CHRNA2: variants seen among roughly 807,000 people sequenced by gnomAD.
The protein encoded by CHRNA2 is neuronal acetylcholine receptor subunit alpha-2.
In CHRNA2, 40 loss-of-function variants were observed where a neutral mutation model predicts 45.5. The ratio of observed to expected loss-of-function variants is 0.88; its 90% CI spans 0.68 to 1.15. The LOEUF (loss-of-function observed/expected upper bound fraction) is 1.15, where lower values mean the gene tolerates loss of function less well. Among genes scored for constraint, CHRNA2 ranks in the 50% most tolerant of loss-of-function variants. CHRNA2 has a pLI of 0.00. For missense variants in CHRNA2, 655 were observed against 701.7 expected (o/e 0.93, Z 0.75); for synonymous variants, 301 against 296.7 (o/e 1.01, Z -0.15).
chr8:27,471,204 C>T lies in CHRNA2; in HGVS notation c.-136-10G>A. 1 of 730,152 alleles carries T rather than the reference C, an allele frequency of 1.4e-6. No homozygotes were observed. The allele number at this position is 730,152 out of a possible 1,614,324, so 45.2% of individuals were successfully genotyped here. ...CCTCTCACCACCGAACCTGAGCAAG[C>T]CCAAGAAAGGGCTCTTAGGGTCATG... On this transcript the variant is annotated splice_polypyrimidine_tract_variant and intron_variant, in intron 1 of 6. Coordinates refer to ENST00000407991, the MANE Select transcript of CHRNA2 (RefSeq NM_000742.4).
rs796623573 is a variant in CHRNA2 at position 27,479,248 on chromosome 8, TCA to T, written c.-563_-562del. ...AGGCTCACGCTGTTCTCTCTCTCTCTCACACACACACACACATACACACACAC... is the reference window on the plus strand; with the variant it reads ...AGGCTCACGCTGTTCTCTCTCTCTCTCACACACACACACATACACACACAC... On this transcript the variant is annotated 5_prime_UTR_variant, in exon 1 of 7. Transcript: ENST00000407991. The T allele has an allele frequency of 2.1e-4, 31 of 144,946 alleles. No homozygotes were observed. The highest frequency in any genetic ancestry group is 2.8e-4 in the Non-Finnish European group (18 of 64,988). 9.0% of individuals were successfully genotyped at this position (144,946 alleles called of 1,614,324 possible).
Position 27,471,068 on chromosome 8 carries a change from T to G in CHRNA2, c.-10A>C. 1 of 1,613,932 alleles carries G rather than the reference T, an allele frequency of 6.2e-7. No individual in the cohort carries two copies. Among genetic ancestry groups the G allele is most frequent in the Non-Finnish European group, 8.5e-7 (1 of 1,179,838 alleles). The stretch of plus-strand genomic sequence containing the variant: ...GACAGGAGGGGCCCATGGCTTCTCC[T>G]GAGCATCAGGAGGTCAGGTCAGGGC... On this transcript the variant is annotated 5_prime_UTR_variant, in exon 2 of 7. Coordinates refer to ENST00000407991, the MANE Select transcript of CHRNA2 (RefSeq NM_000742.4).
In CHRNA2 at chr8:27,467,145, C is replaced by T. The variant is rs1030301231; in HGVS notation, c.449+84G>A. The T allele has an allele frequency of 6.8e-6, 7 of 1,022,866 alleles. No homozygotes were observed. In the African/African-American group the frequency reaches 7.9e-5, roughly 12 times the overall value. 63.4% of individuals were successfully genotyped at this position (1,022,866 alleles called of 1,614,324 possible). ...GAGAAGGAGGCGAGGAAGCTGACAC[C>T]AGGGGGGCCCCTCCCAAGGCCATGG... On this transcript the variant is annotated intron_variant, in intron 5 of 6. Coordinates refer to ENST00000407991, the MANE Select transcript of CHRNA2 (RefSeq NM_000742.4).
At position 27,459,823 on chromosome 8, in the gene CHRNA2, G is replaced by A. The variant is rs942359102; in HGVS notation, c.*1806C>T. 5.3e-5 allele frequency: 8 copies of A among 152,270 alleles called. No individual in the cohort carries two copies. The highest frequency in any genetic ancestry group is 3.3e-4 in the Admixed American group (5 of 15,274). 9.4% of individuals were successfully genotyped at this position (152,270 alleles called of 1,614,324 possible). A position where few individuals can be genotyped will look rare whatever the true frequency, so the allele number is the denominator to read the frequency against. On this transcript the variant is annotated 3_prime_UTR_variant, in exon 7 of 7. Transcript: ENST00000407991. The stretch of plus-strand genomic sequence containing the variant: ...ACATGCAAGATGGATGGGAGACATG[G>A]ATAACAGAAGTGAACATCACTGTCT...
chr8:27,462,552 C>T (rs1448185295), intron 6 of CHRNA2, among the ~76,000 whole-genome samples: 3 of 152,178 alleles, frequency 2.0e-5, no homozygotes, highest in Admixed American at 6.5e-5. Flanking sequence ...AACAAGGAGG[C>T]GGAGGAAGAG....
At position 27,469,386 on chromosome 8, in the gene CHRNA2, C is replaced by G; in HGVS notation, c.295-7G>C. 1 of 1,555,136 alleles carries G rather than the reference C, an allele frequency of 6.4e-7. No homozygotes were observed. Among genetic ancestry groups the G allele is most frequent in the Non-Finnish European group, 8.7e-7 (1 of 1,148,712 alleles). On this transcript the variant is annotated splice_region_variant and splice_polypyrimidine_tract_variant and intron_variant, in intron 3 of 6. Coordinates refer to ENST00000407991, the MANE Select transcript of CHRNA2 (RefSeq NM_000742.4). ...TCATTTGGTTCTTCTCATCCTGGCC[C>G]AGAGAGAGACAGAGGAGCAATTAAA...
intron 5 of CHRNA2, among the ~76,000 whole-genome samples, chr8:27,466,487 TTGACCACAGAACCCTTTTTCA>T (rs1251565609): frequency 1.3e-5 from 2 of 152,190 alleles, no homozygotes; most frequent in East Asian, 1.9e-4. Flanking sequence ...CCAAAATTAC[TTGACCACAGAACCCTTTTTCA>T]TACCTATTTA....
Position 27,478,363 on chromosome 8 carries a change from C to A in CHRNA2, c.-137+461G>T, listed in dbSNP as rs191189792. On this transcript the variant is annotated intron_variant, in intron 1 of 6. Transcript: ENST00000407991. ...AAGGTCATCTGAACAACCACACCAGCTGATGGAGGAATCCACTTCACAAAT... is the reference window on the plus strand; with the variant it reads ...AAGGTCATCTGAACAACCACACCAGATGATGGAGGAATCCACTTCACAAAT... 1.6e-3 allele frequency among the ~76,000 whole-genome samples: 251 copies of A among 152,334 alleles called. 2 individuals carry two copies. The highest frequency in any genetic ancestry group is 1.1e-3 in the Non-Finnish European group (73 of 68,032).
At chr8:27,473,042 ATATTATTT>A (rs1482683431) in intron 1 of CHRNA2, among the ~76,000 whole-genome samples, 1 of 152,134 alleles carries the variant, frequency 6.6e-6, no homozygotes, top group Non-Finnish European at 1.5e-5. Flanking sequence ...GTATTTTAAA[ATATTATTT>A]TATAGAGTAT....
At chr8:27,466,231 G>A (rs564402766) in intron 5 of CHRNA2, among the ~76,000 whole-genome samples, 3 of 151,512 alleles carry the variant, frequency 2.0e-5, no homozygotes, top group Non-Finnish European at 2.9e-5. Context: ...AGAACTGGAC[G>A]GTGTAAAAAA....
At chr8:27,466,556 A>G (rs1307288770) in intron 5 of CHRNA2, among the ~76,000 whole-genome samples, 1 of 152,228 alleles carries the variant, frequency 6.6e-6, no homozygotes, top group Admixed American at 6.5e-5. Flanking sequence ...GCCCCACCTT[A>G]GAAAACCTTT....
chr8:27,464,771 A>G (rs145304880), intron 5 of CHRNA2, among the ~76,000 whole-genome samples: 1,713 of 152,270 alleles, frequency 0.011, 17 homozygotes, highest in Middle Eastern at 0.058. Context: ...TACTACCTTG[A>G]ATGTATCCAT....
In CHRNA2 at chr8:27,460,368, C is replaced by A. The variant is rs1371926864; in HGVS notation, c.*1261G>T. On this transcript the variant is annotated 3_prime_UTR_variant, in exon 7 of 7. Transcript: ENST00000407991. Reference sequence around the variant, plus strand: ...GGGTTCAGAGCAGGTCAACACACCTCGGGGCTCTGGGAGAGACGAGGCAGG... The same window carrying A: ...GGGTTCAGAGCAGGTCAACACACCTAGGGGCTCTGGGAGAGACGAGGCAGG... 1 of 152,048 alleles carries A rather than the reference C, an allele frequency of 6.6e-6. No homozygotes were observed. The highest frequency in any genetic ancestry group is 2.4e-5 in the African/African-American group (1 of 41,348). 9.4% of individuals were successfully genotyped at this position (152,048 alleles called of 1,614,324 possible).
rs751699392 is a variant in CHRNA2, at chr8:27,463,344, G to A, written c.1099C>T (p.Arg367Trp). 39 of 1,613,778 alleles carry A rather than the reference G, an allele frequency of 2.4e-5. No homozygotes were observed. The Admixed American group carries it at 4.2e-4, about 17-fold the overall frequency. ...PSTHTMPHWVRGALLGCVPRW... is the reference protein window; with the variant it reads ...PSTHTMPHWVWGALLGCVPRW... ...GGCACACAGCCCAGAAGGGCCCCCC[G>A]CACCCAGTGGGGCATGGTGTGGGTG... The change falls in exon 6 of 7, where the codon CGG becomes TGG. Residue 367 changes from arginine (R) to tryptophan (W), a missense_variant. This residue lies in a region of CHRNA2 where 295 missense variants were observed against 280.4 expected (regional missense o/e 1.05). Coordinates refer to ENST00000407991, the MANE Select transcript of CHRNA2 (RefSeq NM_000742.4). The surrounding 1 kb of genome is among the most constrained non-coding windows in gnomAD (Gnocchi z 6.1).
chr8:27,478,428 A>G (rs1331691570), intron 1 of CHRNA2, among the ~76,000 whole-genome samples: 3 of 152,254 alleles, frequency 2.0e-5, no homozygotes, highest in Admixed American at 1.3e-4. Flanking sequence ...GAACTTGAAG[A>G]ACCTTGGAAG....
At chr8:27,464,885 G>A (rs1812649954) in intron 5 of CHRNA2, among the ~76,000 whole-genome samples, 1 of 152,176 alleles carries the variant, frequency 6.6e-6, no homozygotes, top group Admixed American at 6.5e-5. Context: ...ATGAGGAGAT[G>A]AGACGTCTCC....
At chr8:27,472,855 T>C (rs533237712) in intron 1 of CHRNA2, among the ~76,000 whole-genome samples, 1 of 152,246 alleles carries the variant, frequency 6.6e-6, no homozygotes, top group South Asian at 2.1e-4. Context: ...AAACACCTCA[T>C]GGATTAAGAA....
In CHRNA2 at chr8:27,466,203, A is replaced by G. The variant is rs572948173; in HGVS notation, c.449+1026T>C. Among the ~76,000 whole-genome samples the G allele has an allele frequency of 9.9e-5, 15 of 152,228 alleles. 1 individual carries two copies. The South Asian group carries it at 3.1e-3, about 32-fold the overall frequency. Reference sequence around the variant, plus strand: ...GTGTTCCCCAAAATGGCTTAGGTGCAAGGGCGTAGTTCTGACCAGAACTGG... The same window carrying G: ...GTGTTCCCCAAAATGGCTTAGGTGCGAGGGCGTAGTTCTGACCAGAACTGG... On this transcript the variant is annotated intron_variant, in intron 5 of 6. Coordinates refer to ENST00000407991, the MANE Select transcript of CHRNA2 (RefSeq NM_000742.4).
intron 1 of CHRNA2, among the ~76,000 whole-genome samples, chr8:27,473,529 C>CCCCA (rs1812960954): frequency 8.1e-6 from 1 of 123,328 alleles, no homozygotes; most frequent in African/African-American, 2.9e-5. Context: ...GTGAGACCCC[C>CCCCA]CCCGCCGTCT....
Sources: allele counts gnomAD v4.1 joint callset (sites outside exome capture counted in the v4.1 genomes callset), GRCh38; gene constraint gnomAD v4.1.1; regional missense constraint gnomAD v4.1.1; non-coding constraint Gnocchi (gnomAD v3.1); transcripts MANE v1.5; gene names NCBI Gene and HGNC (gene_info 2026-07-23, HGNC 2026-07-21).